SHOC2: variants seen among roughly 807,000 people sequenced by gnomAD.
SHOC2 encodes leucine-rich repeat protein SHOC-2.
In SHOC2, 4 loss-of-function variants were observed where a neutral mutation model predicts 50.2. The observed-to-expected ratio is 0.08, with a 90% confidence interval of 0.04 to 0.18. The LOEUF (loss-of-function observed/expected upper bound fraction) is 0.18, where lower values mean the gene tolerates loss of function less well. Among genes scored for constraint, SHOC2 ranks in the 10% least tolerant of loss-of-function variants. SHOC2 has a pLI of 1.00. For synonymous variants in SHOC2, 218 were observed against 244.5 expected (o/e 0.89, Z 1.01); for missense variants, 388 against 669.6 (o/e 0.58, Z 4.64).
At chr10:110,935,515 T>C (rs1331218199) in intron 1 of SHOC2, among the ~76,000 whole-genome samples, 15 of 152,210 alleles carry the variant, frequency 9.9e-5, no homozygotes. Context: ...AATATCCTGG[T>C]GCTTATAAAT....
chr10:110,969,370 C>CTGAT lies in SHOC2; in HGVS notation c.703+4312_703+4315dup, dbSNP rs1227589626. ...AGCACTTTTTTACCTCCTTTCCCAA[C>CTGAT]TGATTGGTTCCTTTGAGTTTCTTGT... On this transcript the variant is annotated intron_variant, in intron 2 of 8. Transcript: ENST00000369452. Among the ~76,000 whole-genome samples the CTGAT allele has an allele frequency of 2.6e-5, 4 of 152,266 alleles. No homozygotes were observed. The East Asian group carries it at 7.7e-4, about 29-fold the overall frequency.
At position 110,964,935 on chromosome 10, in the gene SHOC2, T is replaced by G; in HGVS notation, c.577T>G (p.Ser193Ala). The change falls in exon 2 of 9, where the codon TCT becomes GCT. Residue 193 changes from serine (S) to alanine (A), a missense_variant. Coordinates refer to ENST00000369452, the MANE Select transcript of SHOC2 (RefSeq NM_007373.4). The surrounding 1 kb of genome is among the most constrained non-coding windows in gnomAD (Gnocchi z 4.9). ...EIPSVVYRLD[S>A]LTTLYLRFNR... ...TCCTTCAGTGGTGTATAGGCTGGATTCTCTCACCACTCTTTACCTTCGCTT... is the reference window on the plus strand; with the variant it reads ...TCCTTCAGTGGTGTATAGGCTGGATGCTCTCACCACTCTTTACCTTCGCTT... 1.2e-6 allele frequency: 2 copies of G among 1,613,804 alleles called. No homozygotes were observed. The highest frequency in any genetic ancestry group is 1.7e-6 in the Non-Finnish European group (2 of 1,179,938).
chr10:111,010,758 A>G (rs1848552230), intron 8 of SHOC2, among the ~76,000 whole-genome samples: 1 of 151,948 alleles, frequency 6.6e-6, no homozygotes, highest in Non-Finnish European at 1.5e-5. Context: ...ACTTTAGGTA[A>G]GGTATGTAAA....
intron 3 of SHOC2, among the ~76,000 whole-genome samples, chr10:110,991,889 A>G (rs1848192283): frequency 6.6e-6 from 1 of 152,188 alleles, no homozygotes; most frequent in African/African-American, 2.4e-5. Flanking sequence ...TATAACTTAA[A>G]ATGAAAAACA....
rs776479302 is a variant in SHOC2, at chr10:110,936,689, T to C, written c.-235+17032T>C. On this transcript the variant is annotated intron_variant, in intron 1 of 8. Transcript: ENST00000369452. ...GTCAGTTTTCTTCTCCATGTTCCTC[T>C]TGGCCTGTTTCCGTAGGCTTATGAG... The C allele has an allele frequency of 2.9e-5, 28 of 979,366 alleles. 1 individual carries two copies. In the South Asian group the frequency reaches 3.5e-4, roughly 12 times the overall value. The allele number at this position is 979,366 out of a possible 1,614,324, so 60.7% of individuals were successfully genotyped here.
At chr10:110,940,909 G>GT (rs1160591855) in intron 1 of SHOC2, among the ~76,000 whole-genome samples, 2 of 6,242 alleles carry the variant, frequency 3.2e-4, no homozygotes, top group African/African-American at 5.4e-4. Context: ...ATTTGTGGTG[G>GT]GTTTTTTTTT....
At chr10:110,951,811 A>G (rs1179759104) in intron 1 of SHOC2, 1 of 152,144 alleles carries the variant, frequency 6.6e-6, no homozygotes, top group Non-Finnish European at 1.5e-5. Context: ...GATTATAGCC[A>G]TGTCTGGCCA....
chr10:110,972,949 G>A (rs2134131920), intron 2 of SHOC2, among the ~76,000 whole-genome samples: 1 of 152,278 alleles, frequency 6.6e-6, no homozygotes, highest in East Asian at 1.9e-4. Flanking sequence ...AAGAGAGGGA[G>A]GCAGACATTG....
chr10:110,987,137 T>C (rs977938996), intron 3 of SHOC2, among the ~76,000 whole-genome samples: 3 of 152,208 alleles, frequency 2.0e-5, no homozygotes, highest in African/African-American at 7.2e-5. Flanking sequence ...GGCTGTGTTC[T>C]TAGGACAGAA....
intron 2 of SHOC2, among the ~76,000 whole-genome samples, chr10:110,975,720 AT>A (rs1487467500): frequency 5.3e-5 from 8 of 151,932 alleles, no homozygotes; most frequent in Admixed American, 5.2e-4. Context: ...ATTACTGGTG[AT>A]TTTGACCTCG....
chr10:110,964,735 C>G lies in SHOC2; in HGVS notation c.377C>G (p.Thr126Arg). Reference sequence around the variant, plus strand: ...TCAATCAAAGAGTTGACTCAATTAACAGAACTTTATTTATACAGTAACAAA... The same window carrying G: ...TCAATCAAAGAGTTGACTCAATTAAGAGAACTTTATTTATACAGTAACAAA... ...PSSIKELTQL[T>R]ELYLYSNKLQ... Residue 126 changes from threonine to arginine, a missense_variant, in exon 2 of 9, where the codon ACA (threonine) becomes AGA (arginine). Physicochemically the swap from Thr to Arg is moderately conservative, Grantham distance 71 (BLOSUM62 -1). Around this residue, in one of 5 missense-constraint regions of SHOC2, gnomAD observed 121 missense variants for 145.5 expected, o/e 0.83. Coordinates refer to ENST00000369452, the MANE Select transcript of SHOC2 (RefSeq NM_007373.4). This position sits in a 1 kb window ranked among gnomAD's most constrained non-coding sequence, Gnocchi z 4.9. 6.2e-7 allele frequency: 1 copy of G among 1,614,082 alleles called. No homozygotes were observed. Among genetic ancestry groups the G allele is most frequent in the Non-Finnish European group, 8.5e-7 (1 of 1,179,972 alleles).
chr10:110,930,196 T>A (rs931842226), intron 1 of SHOC2, among the ~76,000 whole-genome samples: 1 of 152,150 alleles, frequency 6.6e-6, no homozygotes, highest in Non-Finnish European at 1.5e-5. Flanking sequence ...AACATAGAGG[T>A]CTTTTAAAGT....
chr10:110,983,724 T>C (rs1848027416), intron 2 of SHOC2, among the ~76,000 whole-genome samples: 1 of 152,198 alleles, frequency 6.6e-6, no homozygotes, highest in East Asian at 1.9e-4. Context: ...TTTCTGTCTC[T>C]ATGAATTTGA....
intron 8 of SHOC2, among the ~76,000 whole-genome samples, chr10:111,010,748 A>T (rs2134181918): frequency 6.6e-6 from 1 of 152,232 alleles, no homozygotes; most frequent in South Asian, 2.1e-4. Flanking sequence ...TGGCTTTGTG[A>T]CTTTAGGTAA....
chr10:111,006,184 CATACT>C (rs569339293), intron 5 of SHOC2, among the ~76,000 whole-genome samples: 143 of 152,274 alleles, frequency 9.4e-4, no homozygotes, highest in African/African-American at 3.3e-3. Flanking sequence ...CTTTATAAAT[CATACT>C]ATAAGTGTCA....
intron 1 of SHOC2, among the ~76,000 whole-genome samples, chr10:110,925,735 G>C (rs1385715673): frequency 6.6e-6 from 1 of 152,180 alleles, no homozygotes; most frequent in African/African-American, 2.4e-5. Flanking sequence ...GGAATTACAA[G>C]TGTGAACCAC....
At chr10:110,982,579 T>G (rs1455061706) in intron 2 of SHOC2, among the ~76,000 whole-genome samples, 1 of 151,764 alleles carries the variant, frequency 6.6e-6, no homozygotes, top group Admixed American at 6.6e-5. Context: ...CTCATTGTGG[T>G]TTTGATTTGC....
upstream of SHOC2, chr10:110,919,401 C>A: frequency 2.6e-6 from 1 of 391,012 alleles, no homozygotes; most frequent in Non-Finnish European, 4.5e-6. Context: ...GAGAAGCTGG[C>A]GGCACTGCCC....
intron 1 of SHOC2, among the ~76,000 whole-genome samples, chr10:110,923,607 C>G (rs536797191): frequency 3.9e-5 from 6 of 152,234 alleles, no homozygotes; most frequent in Admixed American, 3.9e-4. Context: ...CACTGTATAT[C>G]TCATTCCAAC....
Sources: gnomAD v4.1 joint callset for allele counts (sites outside exome capture counted in the v4.1 genomes callset) on GRCh38, gnomAD v4.1.1 for gene constraint, gnomAD v4.1.1 regional missense constraint, Gnocchi (gnomAD v3.1) non-coding constraint, MANE v1.5 for transcripts, NCBI Gene and HGNC (gene_info 2026-07-23, HGNC 2026-07-21) for gene names.